The following HSP90AA1 variants were observed in gnomAD, a reference collection of about 807,000 sequenced individuals.
The protein encoded by HSP90AA1 is heat shock protein HSP 90-alpha.
In HSP90AA1, 18 loss-of-function variants were observed where a neutral mutation model predicts 73.3. The ratio of observed to expected loss-of-function variants is 0.25; its 90% confidence interval spans 0.17 to 0.36. HSP90AA1 has a LOEUF of 0.36. Among genes scored for constraint, HSP90AA1 ranks in the 10% least tolerant of loss-of-function variants. The probability of loss-of-function intolerance (pLI) is 1.00; values close to 1 mark genes in which losing one functional copy is unlikely to be tolerated. For synonymous variants in HSP90AA1, 477 were observed against 296.9 expected, an observed-to-expected ratio of 1.61 and a Z score of -6.24; for missense variants, 704 against 874.2, an observed-to-expected ratio of 0.81 and a Z score of 2.45.
rs3993378 is a variant in HSP90AA1, at chr14:102,115,294, A to AAAACAAAC, written c.156-13217_156-13210dup. Among the ~76,000 whole-genome samples the AAAACAAAC allele has an allele frequency of 9.5e-3, 1,413 of 149,198 alleles. 16 individuals carry two copies. The highest frequency in any genetic ancestry group is 0.032 in the East Asian group (157 of 4,946). ...GTGACAGAGCAAGATTCCATCTCAT[A>AAAACAAAC]AAACAAACAAACAAACAAACAAACA... On this transcript the variant is annotated intron_variant, in intron 1 of 11. Transcript: ENST00000334701.
chr14:102,132,088 G>A (rs2049913163), intron 1 of HSP90AA1, among the ~76,000 whole-genome samples: 1 of 152,142 alleles, frequency 6.6e-6, no homozygotes. Flanking sequence ...TTTAAAAATG[G>A]CCGGGTATGG....
chr14:102,123,547 CTT>C (rs997465093), intron 1 of HSP90AA1, among the ~76,000 whole-genome samples: 1 of 142,022 alleles, frequency 7.0e-6, no homozygotes. Flanking sequence ...TTTTTTTTTT[CTT>C]TTTTTTTTAA....
chr14:102,083,040 A>T lies in HSP90AA1; in HGVS notation c.1749T>A (p.Val583=), dbSNP rs1478411192. 2 of 1,613,904 alleles carry T rather than the reference A, an allele frequency of 1.2e-6. No homozygotes were observed. The highest frequency in any genetic ancestry group is 2.2e-5 in the South Asian group (2 of 91,066). ...AAATGCTGTATTCACATACCTTTTC[A>T]ACTTTTTTCTCCAATATGTCTTTCA... ...KIMKDILEKK[V]EKVVVSNRLV... The change falls in exon 9 of 11, where the codon GTT becomes GTA. Residue 583 remains valine, a synonymous_variant. Coordinates refer to ENST00000216281, the MANE Select transcript of HSP90AA1 (RefSeq NM_005348.4).
chr14:102,125,355 T>C (rs28599481), intron 1 of HSP90AA1, among the ~76,000 whole-genome samples: 1 of 152,170 alleles, frequency 6.6e-6, no homozygotes, highest in Non-Finnish European at 1.5e-5. Context: ...CAGTTGATAA[T>C]TCTTGCAATG....
chr14:102,125,174 T>A (rs1246740076), intron 1 of HSP90AA1, among the ~76,000 whole-genome samples: 2 of 152,098 alleles, frequency 1.3e-5, no homozygotes, highest in African/African-American at 4.8e-5. Flanking sequence ...ATTTATTTTT[T>A]GTAGAGATGG....
upstream of HSP90AA1, among the ~76,000 whole-genome samples, chr14:102,090,217 CTAAT>C (rs1217984355): frequency 3.3e-5 from 5 of 152,172 alleles, no homozygotes; most frequent in East Asian, 1.9e-4. Flanking sequence ...CTGTTCTTCT[CTAAT>C]TAATTTTTAA....
rs933018789 is a variant in HSP90AA1 at position 102,093,679 on chromosome 14, G to C, written c.367-7301C>G. 6.6e-5 allele frequency among the ~76,000 whole-genome samples: 10 copies of C among 152,150 alleles called. No individual in the cohort carries two copies. The South Asian group carries it at 1.7e-3, about 25-fold the overall frequency. ...CTCTACAATAGGTGTGACCATAGAAGGGATGTGAAAGGGCCAGGCGAGGTA... is the reference window on the plus strand; with the variant it reads ...CTCTACAATAGGTGTGACCATAGAACGGATGTGAAAGGGCCAGGCGAGGTA... On this transcript the variant is annotated intron_variant, in intron 2 of 11. Coordinates refer to the HSP90AA1 transcript ENST00000334701.
chr14:102,113,340 TTCTCTC>T (rs763909632), intron 1 of HSP90AA1, among the ~76,000 whole-genome samples: 1 of 150,424 alleles, frequency 6.6e-6, no homozygotes, highest in Non-Finnish European at 1.5e-5. Flanking sequence ...CTTGCTTGCT[TTCTCTC>T]TCTCTCTCTC....
In HSP90AA1 at chr14:102,081,682, T is replaced by A. The variant is rs760463855; in HGVS notation, c.*30A>T. On this transcript the variant is annotated 3_prime_UTR_variant, in exon 11 of 11. Coordinates refer to ENST00000216281, the MANE Select transcript of HSP90AA1 (RefSeq NM_005348.4). ...TATTATCAGAGGAATTGTAGAGTAC[T>A]GAACAGGTAAGTCATCCCTCAGCCA... 2.2e-6 allele frequency: 2 copies of A among 892,974 alleles called. No homozygotes were observed. The highest frequency in any genetic ancestry group is 3.3e-5 in the African/African-American group (2 of 61,174). The allele number at this position is 892,974 out of a possible 1,614,324, so 55.3% of individuals were successfully genotyped here.
intron 1 of HSP90AA1, among the ~76,000 whole-genome samples, chr14:102,118,067 G>A (rs966138916): frequency 1.2e-4 from 18 of 152,146 alleles, no homozygotes; most frequent in African/African-American, 3.4e-4. Context: ...CTCCACGCTC[G>A]TTCATACACC....
At chr14:102,135,411 A>G (rs949972430) in intron 1 of HSP90AA1, among the ~76,000 whole-genome samples, 18 of 152,276 alleles carry the variant, frequency 1.2e-4, no homozygotes, top group African/African-American at 3.9e-4. Flanking sequence ...CTTGAGCTAA[A>G]CACAGGGTGC....
chr14:102,125,744 G>T (rs1394497825), intron 1 of HSP90AA1, among the ~76,000 whole-genome samples: 1 of 152,154 alleles, frequency 6.6e-6, no homozygotes, highest in Admixed American at 6.5e-5. Context: ...AACCTAGTGA[G>T]ATGAGACAGC....
At chr14:102,082,031 T>C in intron 10 of HSP90AA1, 80 bp downstream of exon 10, 1 of 1,027,956 alleles carries the variant, frequency 9.7e-7, no homozygotes. Flanking sequence ...GCTCCAAGTT[T>C]GGATAACTGA....
chr14:102,112,059 T>C (rs1420385408), intron 1 of HSP90AA1, among the ~76,000 whole-genome samples: 1 of 152,266 alleles, frequency 6.6e-6, no homozygotes, highest in Non-Finnish European at 1.5e-5. Flanking sequence ...TCATCCCCTC[T>C]GTAAACTCAT....
chr14:102,102,862 C>T (rs1281360387), intron 1 of HSP90AA1, among the ~76,000 whole-genome samples: 2 of 151,558 alleles, frequency 1.3e-5, no homozygotes, highest in Admixed American at 6.6e-5. Flanking sequence ...ATAGTAAGAC[C>T]CCCCAAAAAA....
intron 2 of HSP90AA1, among the ~76,000 whole-genome samples, chr14:102,096,565 G>C (rs991978241): frequency 6.6e-6 from 1 of 152,160 alleles, no homozygotes; most frequent in African/African-American, 2.4e-5. Context: ...CACCTGCTCT[G>C]GCCAAATTCA....
chr14:102,120,634 T>C (rs1566734020), intron 1 of HSP90AA1, among the ~76,000 whole-genome samples: 1 of 152,042 alleles, frequency 6.6e-6, no homozygotes, highest in Non-Finnish European at 1.5e-5. Flanking sequence ...TATTTTGTTA[T>C]AGGTATATAC....
intron 1 of HSP90AA1, among the ~76,000 whole-genome samples, chr14:102,120,687 A>G (rs1331005360): frequency 1.3e-5 from 2 of 151,998 alleles, no homozygotes; most frequent in African/African-American, 2.4e-5. Flanking sequence ...TCACACCTGT[A>G]ATCCCAGCAC....
At chr14:102,106,368 G>A (rs558401576) in intron 1 of HSP90AA1, among the ~76,000 whole-genome samples, 1 of 152,040 alleles carries the variant, frequency 6.6e-6, no homozygotes, top group Non-Finnish European at 1.5e-5. Context: ...AGTGAGCAGG[G>A]AAGAGCCATC....
Sources: gnomAD v4.1 joint callset for allele counts (sites outside exome capture counted in the v4.1 genomes callset) on GRCh38, gnomAD v4.1.1 for gene constraint, MANE v1.5 for transcripts, NCBI Gene and HGNC (gene_info 2026-07-23, HGNC 2026-07-21) for gene names.